The following SYT6 variants were observed in gnomAD, a reference collection of about 807,000 sequenced individuals.
SYT6 encodes the protein synaptotagmin-6.
A neutral mutation model predicts 38.4 loss-of-function variants in SYT6; 24 were observed. That is an observed-to-expected ratio of 0.62 (90% CI 0.45 to 0.88). The LOEUF is 0.88. SYT6 is among the 40% of genes least tolerant of loss of function. SYT6 has a pLI of 0.00. For missense variants in SYT6, 611 were observed against 621.0 expected (o/e 0.98, Z 0.17); for synonymous variants, 265 against 241.9 (o/e 1.10, Z -0.89).
intron 1 of SYT6, among the ~76,000 whole-genome samples, chr1:114,143,344 T>C (rs1001411482): frequency 6.7e-6 from 1 of 149,040 alleles, no homozygotes; most frequent in African/African-American, 2.4e-5. Flanking sequence ...CATATACTTA[T>C]ATGTATAAAA....
intron 7 of SYT6, among the ~76,000 whole-genome samples, chr1:114,092,693 T>G (rs1227878889): frequency 6.6e-6 from 1 of 152,178 alleles, no homozygotes; most frequent in Non-Finnish European, 1.5e-5. Context: ...GGTCACAGAC[T>G]GCCTCCTATC....
chr1:114,129,530 CTTTCTTTCTTTT>C (rs1221150596), intron 3 of SYT6, among the ~76,000 whole-genome samples: 1 of 151,286 alleles, frequency 6.6e-6, no homozygotes, highest in Non-Finnish European at 1.5e-5. Context: ...TTTTCTCTTT[CTTTCTTTCTTTT>C]TTTTCTGTCT....
intron 3 of SYT6, among the ~76,000 whole-genome samples, chr1:114,125,426 T>C (rs1433098490): frequency 6.6e-6 from 1 of 152,162 alleles, no homozygotes. Flanking sequence ...AGTGCAGCCC[T>C]AGAGAGGCCC....
At chr1:114,150,899 A>T (rs183296041) in intron 1 of SYT6, among the ~76,000 whole-genome samples, 1 of 152,324 alleles carries the variant, frequency 6.6e-6, no homozygotes, top group Admixed American at 6.5e-5. Flanking sequence ...TAGCCTATAG[A>T]GGAGTCTCAG....
At chr1:114,111,787 G>T (rs886240415) in intron 3 of SYT6, among the ~76,000 whole-genome samples, 1 of 63,540 alleles carries the variant, frequency 1.6e-5, no homozygotes, top group South Asian at 4.1e-4. Context: ...GGAGAGTGGA[G>T]ACTGACGCTC....
intron 3 of SYT6, among the ~76,000 whole-genome samples, chr1:114,107,608 C>T (rs989747238): frequency 6.6e-6 from 1 of 152,252 alleles, no homozygotes; most frequent in African/African-American, 2.4e-5. Context: ...ACACAAGCAG[C>T]GGAGGACTGG....
intron 4 of SYT6, among the ~76,000 whole-genome samples, chr1:114,101,311 G>A (rs145537962): frequency 8.9e-4 from 135 of 152,236 alleles, no homozygotes; most frequent in African/African-American, 2.2e-3. Context: ...AAAAGTCTGC[G>A]GTTTCTAGTG....
intron 1 of SYT6, among the ~76,000 whole-genome samples, chr1:114,151,031 T>C (rs1014687057): frequency 2.6e-4 from 39 of 152,158 alleles, no homozygotes; most frequent in African/African-American, 9.4e-4. Context: ...GGGCCTGCTC[T>C]AGCCACTTGC....
intron 3 of SYT6, among the ~76,000 whole-genome samples, chr1:114,133,511 T>C (rs1480083270): frequency 6.6e-6 from 1 of 152,198 alleles, no homozygotes; most frequent in Non-Finnish European, 1.5e-5. Context: ...ATGGTGATCT[T>C]AGCCAATTGA....
chr1:114,149,194 TGAGA>T (rs144593044), intron 1 of SYT6, among the ~76,000 whole-genome samples: 27,021 of 148,044 alleles, frequency 0.18, 2,710 homozygotes, highest in Middle Eastern at 0.22. Context: ...GAGGAATATC[TGAGA>T]GAGAGAGAGA....
intron 3 of SYT6, 83 bp downstream of exon 3, chr1:114,137,412 T>C (rs773008439): frequency 2.7e-6 from 4 of 1,483,454 alleles, no homozygotes; most frequent in Non-Finnish European, 3.6e-6. Flanking sequence ...CATTTGTCTC[T>C]AGGAAGTGAG....
rs1421101910 is a variant in SYT6 at position 114,148,666 on chromosome 1, A to ATTATTTAT, written c.163+4943_163+4944insATAAATAA. 4.8e-3 allele frequency among the ~76,000 whole-genome samples: 659 copies of ATTATTTAT among 137,238 alleles called. 5 individuals carry two copies. Among genetic ancestry groups the ATTATTTAT allele is most frequent in the African/African-American group, 0.017 (618 of 35,628 alleles). 90.0% of individuals were successfully genotyped at this position (137,238 alleles called of 152,430 possible). A position where few individuals can be genotyped will look rare whatever the true frequency, so the allele number is the denominator to read the frequency against. ...GAACCACTCATAAAATACTAATAAT[A>ATTATTTAT]TCATTTATTTATTTATTTATTTATT... On this transcript the variant is annotated intron_variant, in intron 1 of 7. Transcript: ENST00000610222.
intron 3 of SYT6, among the ~76,000 whole-genome samples, chr1:114,131,598 G>C (rs1678158434): frequency 6.6e-6 from 1 of 152,150 alleles, no homozygotes; most frequent in African/African-American, 2.4e-5. Flanking sequence ...GGGGGCACAG[G>C]GCATCCCCTA....
intron 3 of SYT6, among the ~76,000 whole-genome samples, chr1:114,124,062 TC>T (rs1677581047): frequency 6.6e-6 from 1 of 152,082 alleles, no homozygotes; most frequent in African/African-American, 2.4e-5. Flanking sequence ...AGAAGTGGCT[TC>T]CCCCTTCCTA....
chr1:114,144,672 T>C (rs181067588), intron 1 of SYT6, among the ~76,000 whole-genome samples: 1 of 152,276 alleles, frequency 6.6e-6, no homozygotes, highest in East Asian at 1.9e-4. Flanking sequence ...ACTGAGTACT[T>C]GCCATGTGCC....
At chr1:114,094,658 C>T (rs1372005650) in intron 6 of SYT6, among the ~76,000 whole-genome samples, 2 of 152,174 alleles carry the variant, frequency 1.3e-5, no homozygotes, top group Admixed American at 1.3e-4. Flanking sequence ...CCTCTGTTCT[C>T]ATTAATAAAA....
At chr1:114,139,508 A>C (rs1377917185) in intron 2 of SYT6, 107 bp downstream of exon 2, 2 of 1,466,912 alleles carry the variant, frequency 1.4e-6, no homozygotes, top group Admixed American at 4.3e-5. Context: ...ATCAAAGGAT[A>C]TGTGTTATTA....
chr1:114,153,538 A>AC (rs1679554374), intron 1 of SYT6, 72 bp downstream of exon 1: 1 of 565,948 alleles, frequency 1.8e-6, no homozygotes, highest in Non-Finnish European at 3.2e-6. Flanking sequence ...GGCTCCTGGG[A>AC]CCGGGGCTTT....
At chr1:114,129,308 T>C (rs773922937) in intron 3 of SYT6, among the ~76,000 whole-genome samples, 24 of 152,228 alleles carry the variant, frequency 1.6e-4, no homozygotes, top group Non-Finnish European at 3.2e-4. Context: ...CCCCACTGAC[T>C]TCCTGCCTTT....
Sources: allele counts gnomAD v4.1 joint callset (sites outside exome capture counted in the v4.1 genomes callset), GRCh38; gene constraint gnomAD v4.1.1; transcripts MANE v1.5; gene names NCBI Gene and HGNC (gene_info 2026-07-23, HGNC 2026-07-21).